POTEE: variants seen among roughly 807,000 people sequenced by gnomAD.
POTEE encodes the protein POTE ankyrin domain family member E.
A neutral mutation model predicts 74.2 loss-of-function variants in POTEE; 21 were observed. That is an observed-to-expected ratio of 0.28 (90% CI 0.20 to 0.41). POTEE has a LOEUF of 0.41. Ranked by LOEUF, POTEE falls within the 10% of genes least tolerant of loss-of-function variation. POTEE has a pLI of 1.00. For synonymous variants in POTEE, 211 were observed against 432.8 expected, an observed-to-expected ratio of 0.49 and a Z score of 6.36; for missense variants, 525 against 1,158.6, an observed-to-expected ratio of 0.45 and a Z score of 7.94.
At chr2:131,225,567 CTT>C (rs376693812) in intron 6 of POTEE, among the ~76,000 whole-genome samples, 10,496 of 111,280 alleles carry the variant, frequency 0.094, 1 homozygote, top group Admixed American at 0.14. Flanking sequence ...ATTAATCTGA[CTT>C]TTTTTTTTTT....
At chr2:131,262,819 A>ATAC (rs1701752578) in intron 17 of POTEE, among the ~76,000 whole-genome samples, 1 of 152,292 alleles carries the variant, frequency 6.6e-6, no homozygotes, top group Non-Finnish European at 1.5e-5. Context: ...AACTGAGTAT[A>ATAC]GAAATATTAG....
rs1394835379 is a variant in POTEE, at chr2:131,209,799, G to T, written c.-365G>T. Among the ~76,000 whole-genome samples the T allele has an allele frequency of 6.6e-6, 1 of 152,124 alleles. No homozygotes were observed. Among genetic ancestry groups the T allele is most frequent in the South Asian group, 2.1e-4 (1 of 4,822 alleles). ...TGGGACACTGCAGCTCGGCCAGAGT[G>T]GTAGAAATGTCCTGGTGTAGGTGAG... On this transcript the variant is annotated 5_prime_UTR_variant, in exon 1 of 18. Coordinates refer to ENST00000683005, the MANE Select transcript of POTEE (RefSeq NM_001083538.3).
At position 131,218,820 on chromosome 2, in the gene POTEE, C is replaced by T. The variant is rs369645833; in HGVS notation, c.418C>T (p.Leu140=). ...EPRYHVRGED[L]DKLHRAAWWG... is the part of the protein sequence containing the mutation. Reference sequence around the variant, plus strand: ...CAGGTACCACGTCCGTGGAGAAGATCTGGACAAGCTCCACAGAGCTGCCTG... The same window carrying T: ...CAGGTACCACGTCCGTGGAGAAGATTTGGACAAGCTCCACAGAGCTGCCTG... Residue 140 remains leucine, a synonymous_variant, in exon 4 of 18, where the codon CTG becomes TTG. Coordinates refer to ENST00000683005, the MANE Select transcript of POTEE (RefSeq NM_001083538.3). The T allele has an allele frequency of 2.6e-3, 4,194 of 1,612,680 alleles. 34 individuals are homozygous for T. In the African/African-American group the frequency reaches 0.049, roughly 19 times the overall value.
At chr2:131,212,052 C>T (rs1413103485) in intron 2 of POTEE, among the ~76,000 whole-genome samples, 3 of 151,546 alleles carry the variant, frequency 2.0e-5, no homozygotes, top group Non-Finnish European at 4.4e-5. Context: ...TGTTTCTATT[C>T]TTGTTTCTCC....
rs1701792667 is a variant in POTEE, at chr2:131,263,623, G to C, written c.2168G>C (p.Gly723Ala). 6.3e-7 allele frequency: 1 copy of C among 1,590,576 alleles called. No homozygotes were observed. The highest frequency in any genetic ancestry group is 8.6e-7 in the Non-Finnish European group (1 of 1,168,784). ...GSGMCKAGFA[G>A]DDAPRAVFPS... is the part of the protein sequence containing the mutation. ...GGCATGTGCAAGGCCGGCTTTGCGG[G>C]CGACGATGCCCCCCGGGCTGTCTTC... Residue 723 changes from glycine (G) to alanine (A), a missense_variant, in exon 18 of 18, where the codon GGC becomes GCC. Gly to Ala is a moderately conservative substitution (Grantham distance 60). Coordinates refer to ENST00000683005, the MANE Select transcript of POTEE (RefSeq NM_001083538.3).
rs374419629 is a variant in POTEE, at chr2:131,237,525, T to C, written c.1198-669T>C. ...ATTTATTTCAGTTGCAGAAAATTAGTACATATTATTAAAAAATCTTTATCC... is the reference window on the plus strand; with the variant it reads ...ATTTATTTCAGTTGCAGAAAATTAGCACATATTATTAAAAAATCTTTATCC... On this transcript the variant is annotated intron_variant, in intron 10 of 17. Transcript: ENST00000683005. 2.6e-5 allele frequency among the ~76,000 whole-genome samples: 4 copies of C among 151,974 alleles called. No homozygotes were observed. In the East Asian group the frequency reaches 5.8e-4, roughly 22 times the overall value.
rs541531807 is a variant in POTEE, at chr2:131,209,682, C to A, written c.-482C>A. Among the ~76,000 whole-genome samples the A allele has an allele frequency of 6.6e-6, 1 of 152,138 alleles. No individual in the cohort carries two copies. Among genetic ancestry groups the A allele is most frequent in the African/African-American group, 2.4e-5 (1 of 41,344 alleles). ...AGTAGCGGGAGCTTCTCCTGCCAGG[C>A]AGGAAGACGAGTAGAAGGGAGCAGC... On this transcript the variant is annotated 5_prime_UTR_variant, in exon 1 of 18. Transcript: ENST00000683005.
intron 16 of POTEE, among the ~76,000 whole-genome samples, chr2:131,258,470 C>T (rs1202442086): frequency 4.0e-5 from 5 of 125,436 alleles, no homozygotes; most frequent in Non-Finnish European, 1.6e-5. Context: ...ATTTTAGTCT[C>T]TTTGTCAGTT....
At chr2:131,212,861 G>A (rs1700386095) in intron 2 of POTEE, among the ~76,000 whole-genome samples, 1 of 151,134 alleles carries the variant, frequency 6.6e-6, no homozygotes, top group South Asian at 2.1e-4. Flanking sequence ...ACCACGCCTG[G>A]CTCTCTGCCA....
At chr2:131,260,645 T>G (rs1365826102) in intron 16 of POTEE, among the ~76,000 whole-genome samples, 1 of 148,252 alleles carries the variant, frequency 6.7e-6, no homozygotes, top group African/African-American at 2.6e-5. Context: ...GTGGTGCTAC[T>G]GATTGGTATT....
At chr2:131,236,213 T>C (rs1701128842) in intron 9 of POTEE, among the ~76,000 whole-genome samples, 4 of 152,082 alleles carry the variant, frequency 2.6e-5, no homozygotes. Context: ...GAGTGAATGC[T>C]GAGGGGAAGG....
rs1375176713 is a variant in POTEE, at chr2:131,223,244, G to C, written c.522-352G>C. On this transcript the variant is annotated intron_variant, in intron 4 of 17. Transcript: ENST00000683005. Reference sequence around the variant, plus strand: ...GGTGCAGAGTCTCATTTAAGCATTAGAGTGGTTTCCTGTGAGAAAGCTACT... The same window carrying C: ...GGTGCAGAGTCTCATTTAAGCATTACAGTGGTTTCCTGTGAGAAAGCTACT... Among the ~76,000 whole-genome samples, 10 of 99,972 alleles carry C rather than the reference G, an allele frequency of 1.0e-4. No homozygotes were observed. In the East Asian group the frequency reaches 2.0e-3, roughly 20 times the overall value. The allele number at this position is 99,972 out of a possible 152,430, so 65.6% of individuals were successfully genotyped here.
At chr2:131,221,134 T>G in intron 4 of POTEE, among the ~76,000 whole-genome samples, 1 of 152,200 alleles carries the variant, frequency 6.6e-6, no homozygotes, top group Admixed American at 6.5e-5. Flanking sequence ...TGCTTTTTAC[T>G]CATCAATTCC....
chr2:131,221,915 G>C (rs1700630719), intron 4 of POTEE, among the ~76,000 whole-genome samples: 2 of 152,224 alleles, frequency 1.3e-5, no homozygotes, highest in African/African-American at 2.4e-5. Flanking sequence ...TTAGTCATCA[G>C]ACATAAGCCA....
At chr2:131,234,201 G>A (rs1247148862) in intron 9 of POTEE, among the ~76,000 whole-genome samples, 1 of 151,768 alleles carries the variant, frequency 6.6e-6, no homozygotes, top group Non-Finnish European at 1.5e-5. Context: ...TCCTTTTAGG[G>A]AATGATACTC....
chr2:131,225,377 CT>C (rs1414134847), intron 6 of POTEE, among the ~76,000 whole-genome samples: 8 of 152,060 alleles, frequency 5.3e-5, no homozygotes, highest in African/African-American at 1.9e-4. Flanking sequence ...GACCCTGTCT[CT>C]AACAACAACA....
chr2:131,216,343 A>G (rs1194617978), intron 2 of POTEE, among the ~76,000 whole-genome samples: 1 of 152,258 alleles, frequency 6.6e-6, no homozygotes, highest in African/African-American at 2.4e-5. Flanking sequence ...TAGTCCTAAA[A>G]TCTGAATGGA....
chr2:131,230,757 T>G lies in POTEE; in HGVS notation c.1056-79T>G, dbSNP rs909128809. ...TATTCTGATATTGTTTGAAATACTCTTAATAATTCTACATTTGGTAAGTTT... is the reference window on the plus strand; with the variant it reads ...TATTCTGATATTGTTTGAAATACTCGTAATAATTCTACATTTGGTAAGTTT... On this transcript the variant is annotated intron_variant, in intron 8 of 17. Transcript: ENST00000683005. 6.6e-6 allele frequency: 10 copies of G among 1,524,292 alleles called. No individual in the cohort carries two copies. The African/African-American group carries it at 9.8e-5, about 15-fold the overall frequency. The allele number at this position is 1,524,292 out of a possible 1,614,324, so 94.4% of individuals were successfully genotyped here.
chr2:131,212,058 TCTC>T (rs1401335068), intron 2 of POTEE, among the ~76,000 whole-genome samples: 1 of 151,780 alleles, frequency 6.6e-6, no homozygotes, highest in Non-Finnish European at 1.5e-5. Context: ...TATTCTTGTT[TCTC>T]CTCCTCTTTT....
Sources: allele counts gnomAD v4.1 joint callset (sites outside exome capture counted in the v4.1 genomes callset), GRCh38; gene constraint gnomAD v4.1.1; transcripts MANE v1.5; gene names NCBI Gene and HGNC (gene_info 2026-07-23, HGNC 2026-07-21).